Variants in PLTP observed in about 807,000 individuals in gnomAD.
PLTP encodes the protein BPI fold containing family E.
A neutral mutation model predicts 54.1 loss-of-function variants in PLTP; 43 were observed. That is an observed-to-expected ratio of 0.79 (90% confidence interval 0.62 to 1.02). The LOEUF (loss-of-function observed/expected upper bound fraction) is 1.02. Ranked by LOEUF, PLTP falls within the 50% of genes least tolerant of loss-of-function variation. PLTP has a pLI of 0.00. For missense variants in PLTP, 604 were observed against 645.9 expected (o/e 0.94, Z 0.70); for synonymous variants, 263 against 264.6 (o/e 0.99, Z 0.06).
intron 3 of PLTP, 101 bp from the exon 4 acceptor site, chr20:45,910,171 G>T (rs1201715878): frequency 6.1e-6 from 8 of 1,310,682 alleles, no homozygotes; most frequent in Non-Finnish European, 8.7e-6. Flanking sequence ...GCCTGGGGAA[G>T]CGGGAGTGGG....
At chr20:45,908,036 C>A in intron 5 of PLTP, 132 bp from the exon 6 acceptor site, 2 of 827,156 alleles carry the variant, frequency 2.4e-6, no homozygotes, top group Non-Finnish European at 2.0e-6. Context: ...AGCTCCTCCA[C>A]GTAGGTTTTC....
intron 7 of PLTP, among the ~76,000 whole-genome samples, 192 bp from the exon 8 acceptor site, chr20:45,906,551 A>G (rs2083240412): frequency 6.6e-6 from 1 of 152,144 alleles, no homozygotes; most frequent in Non-Finnish European, 1.5e-5. Flanking sequence ...GTTAGTTATT[A>G]TTATTACTAC....
In PLTP at chr20:45,909,611, C is replaced by A; in HGVS notation, c.390G>T (p.Glu130Asp). The change falls in exon 5 of 16, where the codon GAG becomes GAT. Residue 130 changes from glutamate to aspartate, a missense_variant. Transcript: ENST00000372431. ...TCCGTCCAGCGGGATCCCGGGAGAG[C>A]TCCAGACCAGTGCGGATGGACACAC... The part of the protein sequence containing the change: ...AEGVSIRTGL[E>D]LSRDPAGRMK... The A allele has an allele frequency of 1.2e-6, 2 of 1,614,128 alleles. No individual in the cohort carries two copies. Among genetic ancestry groups the A allele is most frequent in the Non-Finnish European group, 1.7e-6 (2 of 1,180,020 alleles).
intron 2 of PLTP, 33 bp from the exon 3 acceptor site, chr20:45,911,284 C>G (rs1330980428): frequency 3.1e-6 from 5 of 1,613,440 alleles, no homozygotes; most frequent in African/African-American, 1.3e-5. Context: ...ACTTAGCTCC[C>G]GTGCCCACTG....
At chr20:45,903,268 C>T (rs990360118) in intron 10 of PLTP, among the ~76,000 whole-genome samples, 27 of 152,174 alleles carry the variant, frequency 1.8e-4, no homozygotes, top group Non-Finnish European at 3.1e-4. Flanking sequence ...GGCATGATCA[C>T]GGCTCACTGC....
intron 7 of PLTP, among the ~76,000 whole-genome samples, chr20:45,907,376 T>C (rs899950524): frequency 9.9e-5 from 15 of 150,756 alleles, no homozygotes; most frequent in Admixed American, 5.3e-4. Context: ...GGAATTCATG[T>C]TAATTGAGCA....
chr20:45,908,226 C>T (rs2083259004), intron 5 of PLTP, among the ~76,000 whole-genome samples: 1 of 152,088 alleles, frequency 6.6e-6, no homozygotes, highest in African/African-American at 2.4e-5. Flanking sequence ...CTGTATTTTC[C>T]CATCTGAGCT....
At chr20:45,903,510 G>A (rs1032440026) in intron 10 of PLTP, among the ~76,000 whole-genome samples, 4 of 152,102 alleles carry the variant, frequency 2.6e-5, no homozygotes, top group Non-Finnish European at 4.4e-5. Flanking sequence ...GATTACAGGC[G>A]TGAGCCACCG....
At chr20:45,903,850 A>G (rs1273257497) in intron 10 of PLTP, among the ~76,000 whole-genome samples, 1 of 151,752 alleles carries the variant, frequency 6.6e-6, no homozygotes, top group Non-Finnish European at 1.5e-5. Context: ...CCACCGAAAA[A>G]AAAAGATCTG....
chr20:45,910,743 T>C, intron 3 of PLTP: 4 of 847,940 alleles, frequency 4.7e-6, no homozygotes, highest in Non-Finnish European at 4.6e-6. Context: ...GTCTCACATC[T>C]CAATTCCTTA....
rs1256510946 is a variant in PLTP, at chr20:45,902,252, A to G, written c.1175+15T>C. The G allele has an allele frequency of 1.2e-6, 2 of 1,612,598 alleles. No individual in the cohort carries two copies. The highest frequency in any genetic ancestry group is 3.3e-5 in the Admixed American group (2 of 59,986). On this transcript the variant is annotated intron_variant, in intron 12 of 15. Coordinates refer to ENST00000372431, the MANE Select transcript of PLTP (RefSeq NM_006227.4). ...TCCTCCAATCACTGAGGTGCAGGGA[A>G]GTGCGCCTGCCTACCTGCGCAGGTC...
In PLTP at chr20:45,907,698, C is replaced by T. The variant is rs2229453; in HGVS notation, c.607G>A (p.Val203Met). The T allele has an allele frequency of 1.0e-4, 164 of 1,613,670 alleles. 1 individual carries two copies. The East Asian group carries it at 2.8e-3, about 28-fold the overall frequency. ...TVLLNSLLDT[V>M]PVRSSVDELV... ...TCACCCGCCACCAACTCACCAGGCA[C>T]GGTGTCCAGGAGGGAGTTGAGCAGG... The change falls in exon 7 of 16, where the codon GTG becomes ATG. Residue 203 changes from valine to methionine, a missense_variant. Coordinates refer to ENST00000372431, the MANE Select transcript of PLTP (RefSeq NM_006227.4).
At chr20:45,904,914 C>G in intron 9 of PLTP, 28 bp downstream of exon 9, 1 of 1,614,152 alleles carries the variant, frequency 6.2e-7, no homozygotes, top group African/African-American at 1.3e-5. Flanking sequence ...CCTTCTCTTG[C>G]CCATCCCACA....
At chr20:45,899,773 G>A (rs541697748) in intron 13 of PLTP, 63 bp downstream of exon 13, 4 of 1,591,270 alleles carry the variant, frequency 2.5e-6, no homozygotes, top group African/African-American at 1.3e-5. Context: ...TATGAGGAGG[G>A]GGGGATGGTG....
chr20:45,903,773 C>T (rs11569672), intron 10 of PLTP, among the ~76,000 whole-genome samples: 2,406 of 152,112 alleles, frequency 0.016, 27 homozygotes, highest in Non-Finnish European at 0.022. Context: ...CCGGGAGGTT[C>T]AATTGCAGTG....
chr20:45,903,060 G>A (rs1345799541), intron 10 of PLTP, among the ~76,000 whole-genome samples: 1 of 152,098 alleles, frequency 6.6e-6, no homozygotes, highest in East Asian at 1.9e-4. Context: ...CTGCCGCCAT[G>A]CCCGGCTAAG....
rs1019679155 is a variant in PLTP at position 45,904,982 on chromosome 20, A to C, written c.842T>G (p.Phe281Cys). 1 of 1,614,098 alleles carries C rather than the reference A, an allele frequency of 6.2e-7. No individual in the cohort carries two copies. The highest frequency in any genetic ancestry group is 1.3e-5 in the African/African-American group (1 of 74,928). ...FFFDSAMESY[F>C]RAGALQLLLV... ...CAACAGCTGCAGGGCCCCCGCCCGG[A>C]AGTAGCTCTCCATGGCAGAGTCGAA... Residue 281 changes from phenylalanine to cysteine, a missense_variant, in exon 9 of 16, where the codon TTC becomes TGC. Coordinates refer to ENST00000372431, the MANE Select transcript of PLTP (RefSeq NM_006227.4).
At chr20:45,911,128 C>G in intron 3 of PLTP, 24 bp downstream of exon 3, 1 of 1,610,100 alleles carries the variant, frequency 6.2e-7, no homozygotes, top group Non-Finnish European at 8.5e-7. Flanking sequence ...CGCCCCGGAT[C>G]GCGAGGCCCC....
rs753528208 is a variant in PLTP at position 45,911,152 on chromosome 20, T to G, written c.200A>C (p.Glu67Ala). The G allele has an allele frequency of 1.2e-6, 2 of 1,612,578 alleles. No homozygotes were observed. The highest frequency in any genetic ancestry group is 1.7e-4 in the Middle Eastern group (1 of 6,058). ...TCGCGAGGCCCCGCCCCCCACTTAC[T>G]CAGAGATGTTGTAGTAGAAGTGGCC... ...KEGHFYYNIS[E>A]VKVTELQLTS... The change falls in exon 3 of 16, where the codon GAG (glutamate) becomes GCG (alanine). Residue 67 changes from glutamate to alanine, a missense_variant and splice_region_variant. Coordinates refer to ENST00000372431, the MANE Select transcript of PLTP (RefSeq NM_006227.4).
Sources: allele counts gnomAD v4.1 joint callset (sites outside exome capture counted in the v4.1 genomes callset), GRCh38; gene constraint gnomAD v4.1.1; transcripts MANE v1.5; gene names NCBI Gene and HGNC (gene_info 2026-07-23, HGNC 2026-07-21).